The following LONP1 variants were observed in gnomAD, a reference collection of about 807,000 sequenced individuals.
The protein encoded by LONP1 is lon protease homolog, mitochondrial.
In LONP1, 31 loss-of-function variants were observed where a neutral mutation model predicts 98.5. The observed-to-expected ratio is 0.31, with a 90% confidence interval of 0.24 to 0.42. The LOEUF (loss-of-function observed/expected upper bound fraction) is 0.42. Ranked by LOEUF, LONP1 falls within the 20% of genes least tolerant of loss-of-function variation. The pLI, the probability that LONP1 is intolerant of heterozygous loss-of-function variation, is 1.00. For synonymous variants in LONP1, 781 were observed against 594.7 expected (o/e 1.31, Z -4.56); for missense variants, 1,336 against 1,350.6 (o/e 0.99, Z 0.17).
At chr19:5,706,130 GTTCC>G in intron 7 of LONP1, 138 bp from the exon 8 acceptor site, 3 of 630,878 alleles carry the variant, frequency 4.8e-6, no homozygotes, top group South Asian at 3.8e-5. Context: ...GAAGCCTTTG[GTTCC>G]TTCCATCTTC....
At chr19:5,711,201 G>C (rs1035002646) in intron 4 of LONP1, among the ~76,000 whole-genome samples, 1 of 152,210 alleles carries the variant, frequency 6.6e-6, no homozygotes, top group African/African-American at 2.4e-5. Context: ...GCCTGGGGAA[G>C]AGGCTGATGA....
At chr19:5,693,017 T>C (rs1291999003) in intron 17 of LONP1, among the ~76,000 whole-genome samples, 1 of 151,882 alleles carries the variant, frequency 6.6e-6, no homozygotes, top group African/African-American at 2.4e-5. Flanking sequence ...ATCTCTAGCC[T>C]CTCCCTTGGC....
chr19:5,693,585 C>G lies in LONP1; in HGVS notation c.2505G>C (p.Leu835=). ...LMQHAPANDY[L]VTSHIHLHVP... is the part of the protein sequence containing the mutation. ...CATGCAGGTGGATGTGTGAGGTCAC[C>G]AGGTAGTCATTGGCGGGGGCGTGCT... Residue 835 remains leucine (L), a synonymous_variant, in exon 16 of 18, where the codon CTG becomes CTC. Transcript: ENST00000360614. 1 of 1,614,094 alleles carries G rather than the reference C, an allele frequency of 6.2e-7. No individual in the cohort carries two copies. Among genetic ancestry groups the G allele is most frequent in the South Asian group, 1.1e-5 (1 of 91,086 alleles).
At chr19:5,708,663 G>A (rs779190375) in intron 4 of LONP1, 15 of 432,546 alleles carry the variant, frequency 3.5e-5, no homozygotes, top group Non-Finnish European at 5.5e-5. Flanking sequence ...TTGTCCTTAG[G>A]ATAAGCTATC....
At chr19:5,712,788 T>A (rs2055258033) in intron 3 of LONP1, among the ~76,000 whole-genome samples, 2 of 151,422 alleles carry the variant, frequency 1.3e-5, no homozygotes, top group Admixed American at 6.6e-5. Flanking sequence ...AGCCACCACA[T>A]CCAGCTAATT....
intron 15 of LONP1, 26 bp from the exon 16 acceptor site, chr19:5,693,795 A>T (rs1161775459): frequency 6.3e-7 from 1 of 1,599,354 alleles, no homozygotes; most frequent in Non-Finnish European, 8.5e-7. Flanking sequence ...AGCTGTGAAC[A>T]CGGGAGGCCT....
At position 5,693,570 on chromosome 19, in the gene LONP1, G is replaced by T. The variant is rs1201873032; in HGVS notation, c.2520C>A (p.Ile840=). 3 of 1,614,094 alleles carry T rather than the reference G, an allele frequency of 1.9e-6. No homozygotes were observed. The highest frequency in any genetic ancestry group is 2.5e-6 in the Non-Finnish European group (3 of 1,179,996). The change falls in exon 16 of 18, where the codon ATC becomes ATA. Residue 840 remains isoleucine, a synonymous_variant. Coordinates refer to ENST00000360614, the MANE Select transcript of LONP1 (RefSeq NM_004793.4). ...CGGTCACCTCGGGCACATGCAGGTG[G>T]ATGTGTGAGGTCACCAGGTAGTCAT... ...PANDYLVTSH[I]HLHVPEGATP...
At chr19:5,707,561 T>A (rs2055166760) in intron 6 of LONP1, 136 bp downstream of exon 6, 1 of 853,036 alleles carries the variant, frequency 1.2e-6, no homozygotes, top group South Asian at 1.6e-5. Context: ...TGGGTGTGGA[T>A]GGTGCACGGT....
In LONP1 at chr19:5,700,718, C is replaced by A. The variant is rs796793523; in HGVS notation, c.1506+71G>T. 14 of 1,584,804 alleles carry A rather than the reference C, an allele frequency of 8.8e-6. No homozygotes were observed. The Admixed American group carries it at 1.4e-4, about 16-fold the overall frequency. On this transcript the variant is annotated intron_variant, in intron 9 of 17. Coordinates refer to ENST00000360614, the MANE Select transcript of LONP1 (RefSeq NM_004793.4). ...CAGGGGGCTCCTTTGAAATCTCAACCCACAGCACACAAGAGTCCTGGGCCC... is the reference window on the plus strand; with the variant it reads ...CAGGGGGCTCCTTTGAAATCTCAACACACAGCACACAAGAGTCCTGGGCCC...
intron 8 of LONP1, among the ~76,000 whole-genome samples, chr19:5,704,000 C>A (rs1005846617): frequency 6.6e-6 from 1 of 152,342 alleles, no homozygotes; most frequent in Non-Finnish European, 1.5e-5. Context: ...CCACAGGAGG[C>A]GGCGGCACAG....
At chr19:5,711,407 C>A (rs897022698) in intron 4 of LONP1, among the ~76,000 whole-genome samples, 3 of 152,178 alleles carry the variant, frequency 2.0e-5, no homozygotes, top group Non-Finnish European at 2.9e-5. Context: ...TGTCCTGCAA[C>A]CACTGGTACC....
In LONP1 at chr19:5,693,558, C is replaced by T; in HGVS notation, c.2532G>A (p.Val844=). The change falls in exon 16 of 18, where the codon GTG becomes GTA. Residue 844 remains valine, a synonymous_variant. Transcript: ENST00000360614. The part of the protein sequence containing the change: ...YLVTSHIHLH[V]PEGATPKDGP... ...GAGCGGATGGCGCGGTCACCTCGGG[C>T]ACATGCAGGTGGATGTGTGAGGTCA... The T allele has an allele frequency of 1.2e-6, 2 of 1,614,044 alleles. No individual in the cohort carries two copies. Among genetic ancestry groups the T allele is most frequent in the South Asian group, 1.1e-5 (1 of 91,082 alleles).
In LONP1 at chr19:5,711,995, T is replaced by C; in HGVS notation, c.646A>G (p.Ile216Val). The change falls in exon 4 of 18, where the codon ATC becomes GTC. Residue 216 changes from isoleucine (I) to valine (V), a missense_variant. By Grantham distance (29) the Ile-to-Val change is conservative. Around this residue, in one of 5 missense-constraint regions of LONP1, gnomAD observed 457 missense variants for 403.1 expected, o/e 1.13. Coordinates refer to ENST00000360614, the MANE Select transcript of LONP1 (RefSeq NM_004793.4). Reference sequence around the variant, plus strand: ...GGCTCCACCTCCAGCTGTCTGCTGATATGGACTCTGACACGGGAGCAAGGC... The same window carrying C: ...GGCTCCACCTCCAGCTGTCTGCTGACATGGACTCTGACACGGGAGCAAGGC... ...MIVMGHRRVHISRQLEVEPEE... is the reference protein window; with the variant it reads ...MIVMGHRRVHVSRQLEVEPEE... 6.2e-7 allele frequency: 1 copy of C among 1,611,932 alleles called. No homozygotes were observed. The highest frequency in any genetic ancestry group is 8.5e-7 in the Non-Finnish European group (1 of 1,179,220).
chr19:5,695,968 A>G, intron 13 of LONP1, 86 bp downstream of exon 13: 1 of 1,208,102 alleles, frequency 8.3e-7, no homozygotes, highest in East Asian at 2.5e-5. Context: ...CGGGCCCAGG[A>G]GCTCCCAGAG....
chr19:5,709,933 A>C (rs1251291814), intron 4 of LONP1, among the ~76,000 whole-genome samples: 1 of 149,146 alleles, frequency 6.7e-6, no homozygotes, highest in African/African-American at 2.4e-5. Context: ...AAAAAAAAAA[A>C]AGAACAAGTT....
chr19:5,709,907 CAAAAAAAAAAAAAAAAAA>C (rs755774542), intron 4 of LONP1, among the ~76,000 whole-genome samples: 64 of 38,676 alleles, frequency 1.7e-3, no homozygotes, highest in Admixed American at 2.9e-3. Context: ...GGCTCCATCT[CAAAAAAAAAAAAAAAAAA>C]AAAAAAAAAG....
chr19:5,693,823 C>G, intron 15 of LONP1, 54 bp from the exon 16 acceptor site: 2 of 1,474,308 alleles, frequency 1.4e-6, no homozygotes, highest in Non-Finnish European at 1.9e-6. Flanking sequence ...CAGGCCGGTG[C>G]TCACTCCACC....
rs752487601 is a variant in LONP1 at position 5,719,896 on chromosome 19, G to A, written c.237C>T (p.Phe79=). ...WEASSRGGGA[F]SGGEDASEGG... Reference sequence around the variant, plus strand: ...CCTCGGAGGCGTCCTCGCCCCCCGAGAATGCGCCTCCGCCGCGGCTGCTCG... The same window carrying A: ...CCTCGGAGGCGTCCTCGCCCCCCGAAAATGCGCCTCCGCCGCGGCTGCTCG... Residue 79 remains phenylalanine, a synonymous_variant, in exon 1 of 18, where the codon TTC becomes TTT. Transcript: ENST00000360614. The A allele has an allele frequency of 1.3e-6, 2 of 1,560,448 alleles. No individual in the cohort carries two copies. The highest frequency in any genetic ancestry group is 8.7e-7 in the Non-Finnish European group (1 of 1,154,130).
At chr19:5,707,280 G>GCCTC in intron 6 of LONP1, 137 bp from the exon 7 acceptor site, 1 of 696,568 alleles carries the variant, frequency 1.4e-6, no homozygotes. Context: ...ACAGAGGCAT[G>GCCTC]TGTGCCCTCT....
Sources: gnomAD v4.1 joint callset for allele counts (sites outside exome capture counted in the v4.1 genomes callset) on GRCh38, gnomAD v4.1.1 for gene constraint, gnomAD v4.1.1 regional missense constraint, MANE v1.5 for transcripts, NCBI Gene and HGNC (gene_info 2026-07-23, HGNC 2026-07-21) for gene names.